SYK: variants seen among roughly 807,000 people sequenced by gnomAD.
SYK encodes the protein spleen associated tyrosine kinase.
Under a neutral mutation model 77.8 loss-of-function variants are expected in SYK, and 16 were observed. The ratio of observed to expected loss-of-function variants is 0.21; its 90% confidence interval spans 0.14 to 0.31. The LOEUF is 0.31. Ranked by LOEUF, SYK falls within the 10% of genes least tolerant of loss-of-function variation. The pLI is 1.00. For synonymous variants in SYK, 312 were observed against 308.7 expected, an observed-to-expected ratio of 1.01 and a Z score of -0.11; for missense variants, 529 against 814.4, an observed-to-expected ratio of 0.65 and a Z score of 4.26.
chr9:90,850,648 G>A (rs950226960), intron 3 of SYK, among the ~76,000 whole-genome samples: 2 of 151,796 alleles, frequency 1.3e-5, no homozygotes, highest in African/African-American at 4.8e-5. Flanking sequence ...AAATCCCAGC[G>A]ATTACTCTTC....
At chr9:90,849,952 G>C (rs1052905334) in intron 3 of SYK, among the ~76,000 whole-genome samples, 4 of 152,226 alleles carry the variant, frequency 2.6e-5, no homozygotes, top group African/African-American at 9.6e-5. Context: ...ACCACACTTG[G>C]ATACATCAGT....
At position 90,895,982 on chromosome 9, in the gene SYK, C is replaced by T. The variant is rs1828967404; in HGVS notation, c.*382C>T. On this transcript the variant is annotated 3_prime_UTR_variant, in exon 14 of 14. Coordinates refer to ENST00000375754, the MANE Select transcript of SYK (RefSeq NM_003177.7). This position sits in a 1 kb window ranked among gnomAD's most constrained non-coding sequence, Gnocchi z 4.4. ...ATTGCAGAGTGGCCTAGAGCACTCT[C>T]ACCCCAAGCGGCCTTTTCCAAATGC... The T allele has an allele frequency of 4.0e-6, 1 of 251,660 alleles. No individual in the cohort carries two copies. The highest frequency in any genetic ancestry group is 2.2e-5 in the African/African-American group (1 of 46,404). The allele number at this position is 251,660 out of a possible 1,614,324, so 15.6% of individuals were successfully genotyped here. A position where few individuals can be genotyped will look rare whatever the true frequency, so the allele number is the denominator to read the frequency against.
intron 1 of SYK, among the ~76,000 whole-genome samples, chr9:90,838,851 G>A (rs747758095): frequency 1.3e-5 from 2 of 152,250 alleles, no homozygotes; most frequent in African/African-American, 2.4e-5. Context: ...AGCATTGTGA[G>A]TTGGCAAAAG....
chr9:90,814,605 G>A (rs1825221326), intron 1 of SYK, among the ~76,000 whole-genome samples: 1 of 152,072 alleles, frequency 6.6e-6, no homozygotes, highest in African/African-American at 2.4e-5. Flanking sequence ...CCCTTTCCCA[G>A]TTCTCAGTGC....
chr9:90,835,571 C>T (rs1386000586), intron 1 of SYK, among the ~76,000 whole-genome samples: 1 of 152,126 alleles, frequency 6.6e-6, no homozygotes, highest in African/African-American at 2.4e-5. Context: ...GTCCTGTGCA[C>T]AGTTGGAAGA....
intron 1 of SYK, among the ~76,000 whole-genome samples, chr9:90,802,264 G>T (rs1826761080): frequency 6.6e-6 from 1 of 152,218 alleles, no homozygotes; most frequent in Admixed American, 6.5e-5. Context: ...CGAGGAAGTC[G>T]ATCTTGGAGC....
At chr9:90,875,162 G>C (rs1827877986) in intron 9 of SYK, among the ~76,000 whole-genome samples, 1 of 152,032 alleles carries the variant, frequency 6.6e-6, no homozygotes, top group African/African-American at 2.4e-5. Context: ...AATTTGGGAG[G>C]CTGGGATAGG....
intron 3 of SYK, among the ~76,000 whole-genome samples, chr9:90,856,477 G>A (rs755481407): frequency 1.3e-4 from 20 of 152,034 alleles, no homozygotes; most frequent in South Asian, 2.1e-4. Flanking sequence ...TATGAGTAAC[G>A]TCGTTGAATT....
Position 90,856,731 on chromosome 9 carries a change from CT to C in SYK, c.579-5474del, listed in dbSNP as rs920136723. On this transcript the variant is annotated intron_variant, in intron 3 of 13. Coordinates refer to ENST00000375754, the MANE Select transcript of SYK (RefSeq NM_003177.7). ...TTATATTCTATATCTGATTATTCTA[CT>C]ACCGAAACTTTTGGAGGATGTAAAT... 1.2e-4 allele frequency among the ~76,000 whole-genome samples: 18 copies of C among 152,094 alleles called. 2 individuals are homozygous for C. Among genetic ancestry groups the C allele is most frequent in the Admixed American group, 1.1e-3 (17 of 15,282 alleles).
intron 1 of SYK, among the ~76,000 whole-genome samples, chr9:90,816,687 A>G (rs1012999877): frequency 2.0e-5 from 3 of 152,214 alleles, no homozygotes; most frequent in Non-Finnish European, 4.4e-5. Flanking sequence ...TTTGACTGTC[A>G]TCTCCTTATT....
chr9:90,874,647 C>A, intron 8 of SYK, 25 bp from the exon 9 acceptor site: 1 of 1,598,168 alleles, frequency 6.3e-7, no homozygotes, highest in Non-Finnish European at 8.5e-7. Flanking sequence ...AGCCCCAGGT[C>A]GTATGTTTCT....
chr9:90,805,011 G>A (rs1349106487), intron 1 of SYK, among the ~76,000 whole-genome samples: 4 of 151,928 alleles, frequency 2.6e-5, no homozygotes, highest in Non-Finnish European at 5.9e-5. Context: ...CTCTTAAAAG[G>A]TGGTTAAACT....
chr9:90,886,137 T>C (rs991394125), intron 11 of SYK, among the ~76,000 whole-genome samples: 4 of 152,120 alleles, frequency 2.6e-5, no homozygotes, highest in South Asian at 2.1e-4. Context: ...TCCTGTTAAA[T>C]AGTGGGCTAA....
At chr9:90,870,305 C>T (rs545078917) in intron 7 of SYK, among the ~76,000 whole-genome samples, 2 of 152,310 alleles carry the variant, frequency 1.3e-5, no homozygotes, top group East Asian at 3.9e-4. Flanking sequence ...ACAGCAACAT[C>T]TCTAAAAAGA....
At position 90,812,791 on chromosome 9, in the gene SYK, T is replaced by C. The variant is rs1226813310; in HGVS notation, c.-42+10898T>C. Among the ~76,000 whole-genome samples, 5 of 71,946 alleles carry C rather than the reference T, an allele frequency of 6.9e-5. No homozygotes were observed. The East Asian group carries it at 1.9e-3, about 27-fold the overall frequency. The allele number at this position is 71,946 out of a possible 152,430, so 47.2% of individuals were successfully genotyped here. On this transcript the variant is annotated intron_variant, in intron 1 of 13. Coordinates refer to ENST00000375754, the MANE Select transcript of SYK (RefSeq NM_003177.7). ...TGTGTGTGTGTGTGAGAGAGAGAGA[T>C]TGAGAGAGAGAGGGCTCGTGTTTTT...
At chr9:90,845,312 T>C (rs1238035127) in intron 2 of SYK, 122 bp from the exon 3 acceptor site, 3 of 990,952 alleles carry the variant, frequency 3.0e-6, no homozygotes, top group Admixed American at 2.7e-5. Context: ...ACTGAATGAA[T>C]GAGTGAATAA....
intron 1 of SYK, among the ~76,000 whole-genome samples, chr9:90,843,140 G>C (rs912784705): frequency 2.0e-5 from 3 of 152,156 alleles, no homozygotes; most frequent in East Asian, 1.9e-4. Context: ...CTGGAGAAGC[G>C]GGGAGAAGAC....
rs200961449 is a variant in SYK, at chr9:90,896,920, G to A, written c.*1320G>A. The A allele has an allele frequency of 1.3e-4, 25 of 195,624 alleles. No homozygotes were observed. Among genetic ancestry groups the A allele is most frequent in the Non-Finnish European group, 1.9e-4 (18 of 94,296 alleles). The allele number at this position is 195,624 out of a possible 1,614,324, so 12.1% of individuals were successfully genotyped here. Reference sequence around the variant, plus strand: ...CATGTGTCTGTAGTCCCAGCTACTCGGGAGGCTGAGGCAGGAGAATCGCTT... The same window carrying A: ...CATGTGTCTGTAGTCCCAGCTACTCAGGAGGCTGAGGCAGGAGAATCGCTT... On this transcript the variant is annotated 3_prime_UTR_variant, in exon 14 of 14. Transcript: ENST00000375754.
chr9:90,833,012 C>T (rs1202896418), intron 1 of SYK, among the ~76,000 whole-genome samples: 1 of 152,196 alleles, frequency 6.6e-6, no homozygotes. Flanking sequence ...TGGCTAGAGG[C>T]CTCAGTTCCT....
Sources: allele counts gnomAD v4.1 joint callset (sites outside exome capture counted in the v4.1 genomes callset), GRCh38; gene constraint gnomAD v4.1.1; non-coding constraint Gnocchi (gnomAD v3.1); transcripts MANE v1.5; gene names NCBI Gene and HGNC (gene_info 2026-07-23, HGNC 2026-07-21).